The following COL13A1 variants were observed in gnomAD, a reference collection of about 807,000 sequenced individuals.
COL13A1 encodes collagen alpha-1(XIII) chain.
COL13A1 carries 89 observed loss-of-function variants against 130.9 expected under a neutral mutation model. That is an observed-to-expected ratio of 0.68 (90% CI 0.57 to 0.81). COL13A1 has a LOEUF of 0.81. COL13A1 is among the 30% of genes least tolerant of loss of function. COL13A1 has a pLI of 0.00. For missense variants in COL13A1, 879 were observed against 934.6 expected, an observed-to-expected ratio of 0.94 and a Z score of 0.78; for synonymous variants, 402 against 341.6, an observed-to-expected ratio of 1.18 and a Z score of -1.95.
intron 2 of COL13A1, among the ~76,000 whole-genome samples, chr10:69,845,483 G>C (rs1220813271): frequency 2.0e-5 from 3 of 151,992 alleles, no homozygotes; most frequent in Non-Finnish European, 2.9e-5. Flanking sequence ...GTGAGCCACC[G>C]CACCAGCCCT....
At chr10:69,941,853 C>G (rs986378906) in intron 35 of COL13A1, among the ~76,000 whole-genome samples, 2 of 152,178 alleles carry the variant, frequency 1.3e-5, no homozygotes, top group Non-Finnish European at 2.9e-5. Context: ...TGAGCTCACT[C>G]GCCCTCAAGT....
chr10:69,934,473 C>T (rs937266486), intron 31 of COL13A1, among the ~76,000 whole-genome samples: 2 of 152,184 alleles, frequency 1.3e-5, no homozygotes, highest in African/African-American at 2.4e-5. Context: ...TGCCCTCTGT[C>T]GTGGCCTGGC....
chr10:69,865,957 C>T (rs1275553456), intron 2 of COL13A1, among the ~76,000 whole-genome samples: 1 of 152,216 alleles, frequency 6.6e-6, no homozygotes, highest in Non-Finnish European at 1.5e-5. Context: ...GTTTCTTCAT[C>T]CGCAAGGCGG....
Position 69,889,419 on chromosome 10 carries a change from C to T in COL13A1, c.582C>T (p.His194=). The change falls in exon 10 of 41, where the codon CAC becomes CAT. Residue 194 remains histidine, a synonymous_variant. Coordinates refer to ENST00000645393, the MANE Select transcript of COL13A1 (RefSeq NM_001368882.1). ...GPIGLDGKPG[H]PGPKGDMGLT... is the part of the protein sequence containing the mutation. Reference sequence around the variant, plus strand: ...TCACCCTCTTCTCCTTCCAGGGCCACCCAGGACCAAAGGGCGACATGGTAA... The same window carrying T: ...TCACCCTCTTCTCCTTCCAGGGCCATCCAGGACCAAAGGGCGACATGGTAA... 6.2e-7 allele frequency: 1 copy of T among 1,611,694 alleles called. No individual in the cohort carries two copies. The highest frequency in any genetic ancestry group is 8.5e-7 in the Non-Finnish European group (1 of 1,179,096).
intron 9 of COL13A1, among the ~76,000 whole-genome samples, chr10:69,888,739 G>T (rs533928281): frequency 5.3e-5 from 8 of 152,234 alleles, no homozygotes; most frequent in African/African-American, 1.9e-4. Context: ...CGAGGTCAGG[G>T]TCTCCCTCCC....
chr10:69,887,532 C>T (rs774229482), intron 8 of COL13A1, 41 bp downstream of exon 8: 6 of 1,608,852 alleles, frequency 3.7e-6, no homozygotes, highest in Non-Finnish European at 5.1e-6. Flanking sequence ...CCCAGGTGGT[C>T]TGTAGGCCTG....
intron 1 of COL13A1, among the ~76,000 whole-genome samples, chr10:69,818,945 A>G (rs1387570788): frequency 6.6e-6 from 1 of 151,990 alleles, no homozygotes; most frequent in Non-Finnish European, 1.5e-5. Context: ...GATAAAATTA[A>G]CCCTCACAGC....
chr10:69,912,545 C>T (rs919716099), intron 17 of COL13A1, among the ~76,000 whole-genome samples: 1 of 150,788 alleles, frequency 6.6e-6, no homozygotes, highest in Admixed American at 6.6e-5. Flanking sequence ...GTCCACCGAC[C>T]GCCCCCCACC....
At chr10:69,832,689 A>G (rs370154427) in intron 2 of COL13A1, among the ~76,000 whole-genome samples, 11 of 152,196 alleles carry the variant, frequency 7.2e-5, no homozygotes, top group African/African-American at 2.4e-4. Flanking sequence ...CTTGGAGGAG[A>G]CACTGGAACT....
intron 34 of COL13A1, among the ~76,000 whole-genome samples, chr10:69,940,454 C>A (rs2067469023): frequency 6.6e-6 from 1 of 152,192 alleles, no homozygotes; most frequent in Non-Finnish European, 1.5e-5. Flanking sequence ...ACAACTCCTA[C>A]CCAGATTTCA....
chr10:69,895,175 A>G (rs1020476593), intron 12 of COL13A1, among the ~76,000 whole-genome samples: 2 of 152,178 alleles, frequency 1.3e-5, no homozygotes, highest in African/African-American at 4.8e-5. Context: ...TGGGACCCCC[A>G]TGGTGCCGGC....
chr10:69,840,018 T>G (rs977929996), intron 2 of COL13A1, among the ~76,000 whole-genome samples: 1 of 152,120 alleles, frequency 6.6e-6, no homozygotes, highest in Non-Finnish European at 1.5e-5. Context: ...TCCTGGACAA[T>G]TGCGGTGTCC....
intron 18 of COL13A1, among the ~76,000 whole-genome samples, chr10:69,917,753 C>G (rs2064107329): frequency 6.6e-6 from 1 of 151,978 alleles, no homozygotes; most frequent in Admixed American, 6.5e-5. Flanking sequence ...TCCAGCCACT[C>G]CCCAGTCCAT....
intron 14 of COL13A1, among the ~76,000 whole-genome samples, chr10:69,901,248 G>T (rs1189771606): frequency 6.6e-6 from 1 of 152,194 alleles, no homozygotes; most frequent in Non-Finnish European, 1.5e-5. Context: ...CTCTGCCATG[G>T]ACACCCTGAG....
chr10:69,876,384 G>A (rs964735311), intron 5 of COL13A1, among the ~76,000 whole-genome samples: 1 of 152,188 alleles, frequency 6.6e-6, no homozygotes, highest in African/African-American at 2.4e-5. Flanking sequence ...AGGAGGGTCT[G>A]ATCCTTAGAA....
intron 3 of COL13A1, among the ~76,000 whole-genome samples, chr10:69,870,298 G>C (rs994928681): frequency 1.3e-5 from 2 of 150,802 alleles, no homozygotes; most frequent in African/African-American, 2.4e-5. Context: ...TTTTAGAAAA[G>C]AAAAGAAAAA....
intron 1 of COL13A1, among the ~76,000 whole-genome samples, chr10:69,811,525 G>A (rs1017192258): frequency 6.6e-6 from 1 of 152,186 alleles, no homozygotes; most frequent in East Asian, 1.9e-4. Flanking sequence ...CCCTGAACTG[G>A]CACTTGAGGT....
chr10:69,868,762 G>C (rs2134004226), intron 3 of COL13A1, among the ~76,000 whole-genome samples: 1 of 152,296 alleles, frequency 6.6e-6, no homozygotes, highest in East Asian at 1.9e-4. Flanking sequence ...AAAGGCCCTT[G>C]CACCCACACT....
At chr10:69,873,195 G>A (rs1159255636) in intron 4 of COL13A1, among the ~76,000 whole-genome samples, 1 of 152,200 alleles carries the variant, frequency 6.6e-6, no homozygotes, top group Non-Finnish European at 1.5e-5. Context: ...TGAGATTCCA[G>A]ACCCTTACGT....
Sources: allele counts gnomAD v4.1 joint callset (sites outside exome capture counted in the v4.1 genomes callset), GRCh38; gene constraint gnomAD v4.1.1; transcripts MANE v1.5; gene names NCBI Gene and HGNC (gene_info 2026-07-23, HGNC 2026-07-21).